UBE2L6: variants seen among roughly 807,000 people sequenced by gnomAD.
The protein encoded by UBE2L6 is ubiquitin conjugating enzyme E2 L6, also known as ubiquitin/ISG15-conjugating enzyme E2 L6.
A neutral mutation model predicts 13.6 loss-of-function variants in UBE2L6; 11 were observed. That is an observed-to-expected ratio of 0.81 (90% CI 0.51 to 1.34). UBE2L6 has a LOEUF of 1.34. UBE2L6 is among the 40% of genes most tolerant of loss of function. The probability of loss-of-function intolerance (pLI) is 0.00; values close to 1 mark genes in which losing one functional copy is unlikely to be tolerated. For missense variants in UBE2L6, 197 were observed against 199.5 expected (o/e 0.99, Z 0.07); for synonymous variants, 74 against 83.2 (o/e 0.89, Z 0.60).
intron 2 of UBE2L6, among the ~76,000 whole-genome samples, chr11:57,555,285 T>C (rs1423093336): frequency 1.3e-5 from 2 of 152,124 alleles, no homozygotes; most frequent in Non-Finnish European, 2.9e-5. Context: ...ATACACACAA[T>C]GGAGTATTAT....
intron 2 of UBE2L6, among the ~76,000 whole-genome samples, chr11:57,558,644 T>C (rs147006989): frequency 0.011 from 1,724 of 152,276 alleles, 33 homozygotes; most frequent in African/African-American, 0.039. Flanking sequence ...GAATGAGAAT[T>C]TTACTATTAG....
Position 57,552,512 on chromosome 11 carries a change from G to T in UBE2L6, c.311-3C>A. 1.2e-6 allele frequency: 2 copies of T among 1,614,120 alleles called. No individual in the cohort carries two copies. The highest frequency in any genetic ancestry group is 1.7e-6 in the Non-Finnish European group (2 of 1,179,998). On this transcript the variant is annotated splice_region_variant and splice_polypyrimidine_tract_variant and intron_variant, in intron 3 of 3. Coordinates refer to ENST00000287156, the MANE Select transcript of UBE2L6 (RefSeq NM_004223.5). ...CAGCACATTGAGGGCCTCCAGGACT[G>T]GGGAGAGACAGGCCAGATCAGGATA...
At chr11:57,556,689 G>C (rs906215801) in intron 2 of UBE2L6, among the ~76,000 whole-genome samples, 2 of 151,920 alleles carry the variant, frequency 1.3e-5, no homozygotes, top group African/African-American at 4.8e-5. Context: ...AGGAGAAAAG[G>C]CTGTGCCTAT....
chr11:57,553,363 A>G (rs1302867138), intron 3 of UBE2L6, among the ~76,000 whole-genome samples: 2 of 152,168 alleles, frequency 1.3e-5, no homozygotes, highest in Non-Finnish European at 2.9e-5. Flanking sequence ...GTATAGTGGC[A>G]TGCTCCTGTA....
At chr11:57,555,447 C>G (rs1361327591) in intron 2 of UBE2L6, among the ~76,000 whole-genome samples, 1 of 152,042 alleles carries the variant, frequency 6.6e-6, no homozygotes, top group Non-Finnish European at 1.5e-5. Flanking sequence ...TTCATAGAAA[C>G]AAAATACAAA....
At position 57,567,661 on chromosome 11, in the gene UBE2L6, G is replaced by A; in HGVS notation, c.-50C>T. On this transcript the variant is annotated 5_prime_UTR_variant, in exon 1 of 4. Transcript: ENST00000287156. ...GTGGCCTCCAGCAGGACCGAGCTCC[G>A]ACCCGCGACACAGCGCGCCCCGCCC... 6.3e-7 allele frequency: 1 copy of A among 1,576,702 alleles called. No individual in the cohort carries two copies. The highest frequency in any genetic ancestry group is 8.6e-7 in the Non-Finnish European group (1 of 1,160,050).
chr11:57,559,816 C>T (rs149366015), intron 2 of UBE2L6, among the ~76,000 whole-genome samples: 57 of 152,264 alleles, frequency 3.7e-4, no homozygotes, highest in Non-Finnish European at 6.3e-4. Context: ...TTTTGGAATA[C>T]TGCTTTCAGA....
At chr11:57,563,662 C>A (rs2135281665) in intron 1 of UBE2L6, among the ~76,000 whole-genome samples, 1 of 149,884 alleles carries the variant, frequency 6.7e-6, no homozygotes, top group Non-Finnish European at 1.5e-5. Flanking sequence ...GAGGCCGAGG[C>A]AGGTGGATCA....
rs941449273 is a variant in UBE2L6 at position 57,567,515 on chromosome 11, G to A, written c.27+70C>T. The A allele has an allele frequency of 1.6e-5, 26 of 1,578,084 alleles. No individual in the cohort carries two copies. The African/African-American group carries it at 3.5e-4, about 21-fold the overall frequency. On this transcript the variant is annotated intron_variant, in intron 1 of 3. Coordinates refer to ENST00000287156, the MANE Select transcript of UBE2L6 (RefSeq NM_004223.5). ...AAATGTGCTCGGAGAGCCGCGGAGGGGATGGAGGGAGGAGGGAATGCGGGA... is the reference window on the plus strand; with the variant it reads ...AAATGTGCTCGGAGAGCCGCGGAGGAGATGGAGGGAGGAGGGAATGCGGGA...
chr11:57,560,456 G>C, intron 1 of UBE2L6, 24 bp from the exon 2 acceptor site: 1 of 1,572,668 alleles, frequency 6.4e-7, no homozygotes, highest in Non-Finnish European at 8.7e-7. Context: ...AAGTGAGTGG[G>C]CAGTTGGCCT....
In UBE2L6 at chr11:57,565,735, G is replaced by T. The variant is rs1486123251; in HGVS notation, c.27+1850C>A. Reference sequence around the variant, plus strand: ...ACTTGTCATCAGTTTAAAATAACAGGTTATAAGATATTATTTACAAACCTT... The same window carrying T: ...ACTTGTCATCAGTTTAAAATAACAGTTTATAAGATATTATTTACAAACCTT... On this transcript the variant is annotated intron_variant, in intron 1 of 3. Transcript: ENST00000287156. Among the ~76,000 whole-genome samples, 4 of 152,054 alleles carry T rather than the reference G, an allele frequency of 2.6e-5. No individual in the cohort carries two copies. In the East Asian group the frequency reaches 7.7e-4, roughly 29 times the overall value.
chr11:57,561,484 A>G (rs374446132), intron 1 of UBE2L6, among the ~76,000 whole-genome samples: 84 of 152,136 alleles, frequency 5.5e-4, no homozygotes, highest in African/African-American at 2.0e-3. Flanking sequence ...TACGGTAAGG[A>G]AGGAGATGAG....
In UBE2L6 at chr11:57,552,081, GC is replaced by G. The variant is rs1427254312; in HGVS notation, c.*276del. ...TCTAAGATGGAGAGCTGGAGAACTG[GC>G]CTGTAACTGCAAACTTAAACTCCCT... On this transcript the variant is annotated 3_prime_UTR_variant, in exon 4 of 4. Coordinates refer to ENST00000287156, the MANE Select transcript of UBE2L6 (RefSeq NM_004223.5). 2.5e-6 allele frequency: 1 copy of G among 399,786 alleles called. No homozygotes were observed. The highest frequency in any genetic ancestry group is 4.1e-5 in the Admixed American group (1 of 24,308). 24.8% of individuals were successfully genotyped at this position (399,786 alleles called of 1,614,324 possible). A position where few individuals can be genotyped will look rare whatever the true frequency, so the allele number is the denominator to read the frequency against.
chr11:57,564,325 G>A (rs1218936297), intron 1 of UBE2L6, among the ~76,000 whole-genome samples: 1 of 151,936 alleles, frequency 6.6e-6, no homozygotes, highest in Non-Finnish European at 1.5e-5. Flanking sequence ...TACGGCTGAG[G>A]GAAAAAATCT....
chr11:57,563,411 G>A (rs1183698767), intron 1 of UBE2L6, among the ~76,000 whole-genome samples: 1 of 149,780 alleles, frequency 6.7e-6, no homozygotes, highest in Non-Finnish European at 1.5e-5. Context: ...AATTGGAGAG[G>A]CAGAGGTTGC....
At chr11:57,561,039 T>C (rs1314829517) in intron 1 of UBE2L6, among the ~76,000 whole-genome samples, 3 of 152,188 alleles carry the variant, frequency 2.0e-5, no homozygotes, top group Non-Finnish European at 4.4e-5. Flanking sequence ...TGGGAGTAAG[T>C]GCTCTTAGGA....
At chr11:57,552,971 T>C (rs567511679) in intron 3 of UBE2L6, among the ~76,000 whole-genome samples, 3 of 152,274 alleles carry the variant, frequency 2.0e-5, no homozygotes, top group Admixed American at 6.5e-5. Context: ...CCGAGACAGA[T>C]GTGCACATCC....
At chr11:57,560,856 G>A (rs186135930) in intron 1 of UBE2L6, among the ~76,000 whole-genome samples, 1 of 151,910 alleles carries the variant, frequency 6.6e-6, no homozygotes, top group Admixed American at 6.6e-5. Flanking sequence ...TCCTGACCTC[G>A]TGATCCGCCC....
At chr11:57,567,500 G>A (rs76147534) in intron 1 of UBE2L6, 85 bp downstream of exon 1, 11 of 1,554,510 alleles carry the variant, frequency 7.1e-6, no homozygotes, top group East Asian at 4.6e-5. Context: ...AAATGTGCTC[G>A]GAGAGCCGCG....
Sources: gnomAD v4.1 joint callset for allele counts (sites outside exome capture counted in the v4.1 genomes callset) on GRCh38, gnomAD v4.1.1 for gene constraint, MANE v1.5 for transcripts, NCBI Gene and HGNC (gene_info 2026-07-23, HGNC 2026-07-21) for gene names.